The following GLIPR1L2 variants were observed in gnomAD, a reference collection of about 807,000 sequenced individuals.
The protein encoded by GLIPR1L2 is GLIPR1 like 2.
A neutral mutation model predicts 28.4 loss-of-function variants in GLIPR1L2; 21 were observed. That is an observed-to-expected ratio of 0.74 (90% CI 0.52 to 1.06). The LOEUF (loss-of-function observed/expected upper bound fraction) is 1.06, where lower values mean the gene tolerates loss of function less well. GLIPR1L2 is among the 50% of genes least tolerant of loss of function. The pLI is 0.00. For synonymous variants in GLIPR1L2, 145 were observed against 139.3 expected, an observed-to-expected ratio of 1.04 and a Z score of -0.29; for missense variants, 476 against 416.9, an observed-to-expected ratio of 1.14 and a Z score of -1.23.
At chr12:75,418,207 T>C (rs372216227) in intron 3 of GLIPR1L2, among the ~76,000 whole-genome samples, 2 of 152,156 alleles carry the variant, frequency 1.3e-5, no homozygotes, top group South Asian at 4.1e-4. Flanking sequence ...TGTGATAAAG[T>C]TGGCGTTTAA....
intron 1 of GLIPR1L2, among the ~76,000 whole-genome samples, chr12:75,406,587 T>C (rs2045802430): frequency 6.6e-6 from 1 of 151,570 alleles, no homozygotes; most frequent in African/African-American, 2.4e-5. Flanking sequence ...TGACACCCTG[T>C]CTCTACCAAA....
intron 1 of GLIPR1L2, among the ~76,000 whole-genome samples, chr12:75,407,296 TG>T (rs1265457384): frequency 6.6e-6 from 1 of 152,130 alleles, no homozygotes; most frequent in Non-Finnish European, 1.5e-5. Context: ...TCTTCAATAA[TG>T]AAATTTTTCA....
intron 3 of GLIPR1L2, among the ~76,000 whole-genome samples, 180 bp downstream of exon 3, chr12:75,413,881 C>T (rs1351989128): frequency 6.6e-6 from 1 of 151,844 alleles, no homozygotes; most frequent in Non-Finnish European, 1.5e-5. Context: ...ATTGATTGTA[C>T]TTATACACTA....
intron 2 of GLIPR1L2, among the ~76,000 whole-genome samples, chr12:75,413,251 T>C (rs35898622): frequency 1.3e-5 from 2 of 150,576 alleles, no homozygotes; most frequent in African/African-American, 2.5e-5. Context: ...TGCTAAATGA[T>C]GAGTTAATGG....
chr12:75,408,313 T>C (rs536338344), intron 1 of GLIPR1L2, among the ~76,000 whole-genome samples: 1 of 152,052 alleles, frequency 6.6e-6, no homozygotes, highest in South Asian at 2.1e-4. Flanking sequence ...AAACTTAGAG[T>C]TGGGAATTAG....
At position 75,391,265 on chromosome 12, in the gene GLIPR1L2, A is replaced by T. The variant is rs746648550; in HGVS notation, c.149A>T (p.Asp50Val). Reference protein sequence around the residue: ...LNARFLPDEEDVDFINEYVNL... With the variant: ...LNARFLPDEEVVDFINEYVNL... ...GCCAGATTTTTGCCAGACGAGGAGG[A>T]CGTAGACTTTATCAACGAGTACGTG... The change falls in exon 1 of 6, where the codon GAC becomes GTC. Residue 50 changes from aspartate to valine, a missense_variant. Asp to Val is a radical substitution (Grantham distance 152). Transcript: ENST00000550916. The T allele has an allele frequency of 4.3e-6, 7 of 1,614,042 alleles. No individual in the cohort carries two copies. In the Admixed American group the frequency reaches 1.2e-4, roughly 27 times the overall value.
intron 4 of GLIPR1L2, among the ~76,000 whole-genome samples, chr12:75,424,321 A>G (rs963142464): frequency 5.9e-5 from 9 of 152,232 alleles, no homozygotes; most frequent in Non-Finnish European, 1.3e-4. Context: ...ATGACCAGTG[A>G]TGATGAACTT....
chr12:75,405,113 C>T lies in GLIPR1L2; in HGVS notation c.235-5321C>T, dbSNP rs925789820. Among the ~76,000 whole-genome samples the T allele has an allele frequency of 6.6e-5, 10 of 152,078 alleles. No homozygotes were observed. In the South Asian group the frequency reaches 1.0e-3, roughly 16 times the overall value. On this transcript the variant is annotated intron_variant, in intron 1 of 5. Transcript: ENST00000550916. ...TCCTAGTTTTTCTCTGTGAAATCAA[C>T]GGCACTAATGTATACAAACACTTTG...
At chr12:75,423,034 G>GCA (rs144850646) in intron 4 of GLIPR1L2, 45 bp downstream of exon 4, 7 of 1,602,408 alleles carry the variant, frequency 4.4e-6, no homozygotes, top group South Asian at 1.1e-5. Flanking sequence ...TAATGGATTG[G>GCA]ACAAGAAAAA....
At chr12:75,424,848 T>G (rs1055981859) in intron 4 of GLIPR1L2, among the ~76,000 whole-genome samples, 1 of 152,198 alleles carries the variant, frequency 6.6e-6, no homozygotes, top group African/African-American at 2.4e-5. Flanking sequence ...AAACTCTTGC[T>G]CTTCCTCTCT....
At chr12:75,406,729 G>T (rs1448424571) in intron 1 of GLIPR1L2, among the ~76,000 whole-genome samples, 3 of 143,394 alleles carry the variant, frequency 2.1e-5, no homozygotes, top group Non-Finnish European at 4.5e-5. Flanking sequence ...CTGCATTCTA[G>T]CCTGGGCAAC....
At chr12:75,429,994 G>C (rs7300071) in intron 4 of GLIPR1L2, among the ~76,000 whole-genome samples, 49,882 of 140,200 alleles carry the variant, frequency 0.36, 8,981 homozygotes, top group East Asian at 0.47. Flanking sequence ...GGAGTGTAAT[G>C]GCACCATCTT....
intron 4 of GLIPR1L2, among the ~76,000 whole-genome samples, chr12:75,426,491 TAC>T (rs1475594978): frequency 6.6e-6 from 1 of 152,236 alleles, no homozygotes; most frequent in Non-Finnish European, 1.5e-5. Flanking sequence ...TGATCCATCT[TAC>T]CTGGCCTACT....
At chr12:75,391,952 T>C (rs1315449422) in intron 1 of GLIPR1L2, among the ~76,000 whole-genome samples, 1 of 151,962 alleles carries the variant, frequency 6.6e-6, no homozygotes, top group Non-Finnish European at 1.5e-5. Context: ...GTCTTGACCC[T>C]GATTTTGCCT....
chr12:75,410,843 C>T (rs1224582983), intron 2 of GLIPR1L2, among the ~76,000 whole-genome samples, 164 bp downstream of exon 2: 1 of 151,628 alleles, frequency 6.6e-6, no homozygotes, highest in Non-Finnish European at 1.5e-5. Context: ...GTCTACCATC[C>T]CATCTTTTAT....
chr12:75,430,797 A>G (rs1201156025), intron 5 of GLIPR1L2, 27 bp from the exon 6 acceptor site: 48 of 1,532,118 alleles, frequency 3.1e-5, no homozygotes, highest in Non-Finnish European at 3.8e-5. Context: ...TATGAAATCC[A>G]GCTTTCAATT....
At chr12:75,401,478 A>G (rs1188386458) in intron 1 of GLIPR1L2, among the ~76,000 whole-genome samples, 1 of 151,944 alleles carries the variant, frequency 6.6e-6, no homozygotes, top group Non-Finnish European at 1.5e-5. Flanking sequence ...AATACGAAGA[A>G]ATATTTTTTA....
chr12:75,418,944 A>G (rs373999726), intron 3 of GLIPR1L2, among the ~76,000 whole-genome samples: 4 of 152,224 alleles, frequency 2.6e-5, no homozygotes, highest in South Asian at 4.1e-4. Flanking sequence ...GTTCTCACTC[A>G]TAAGTGGGAG....
chr12:75,413,626 G>A lies in GLIPR1L2; in HGVS notation c.509G>A (p.Gly170Asp). Residue 170 changes from glycine (G) to aspartate (D), a missense_variant, in exon 3 of 6, where the codon GGT becomes GAT. Coordinates refer to ENST00000550916, the MANE Select transcript of GLIPR1L2 (RefSeq NM_001270396.2). The part of the protein sequence containing the change: ...QLVWDHSYKV[G>D]CAVTPCSKIG... ...GTTTGGGACCACTCTTACAAAGTTG[G>A]TTGTGCTGTTACTCCATGTTCAAAA... The A allele has an allele frequency of 6.4e-7, 1 of 1,561,318 alleles. No individual in the cohort carries two copies. The highest frequency in any genetic ancestry group is 2.0e-5 in the Admixed American group (1 of 50,014).
Sources: allele counts gnomAD v4.1 joint callset (sites outside exome capture counted in the v4.1 genomes callset), GRCh38; gene constraint gnomAD v4.1.1; transcripts MANE v1.5; gene names NCBI Gene and HGNC (gene_info 2026-07-23, HGNC 2026-07-21).